The following TRPC7 variants were observed in gnomAD, a reference collection of about 807,000 sequenced individuals.
The protein encoded by TRPC7 is short transient receptor potential channel 7.
In TRPC7, 42 loss-of-function variants were observed where a neutral mutation model predicts 90.1. The observed-to-expected ratio is 0.47, with a 90% CI of 0.36 to 0.60. The LOEUF is 0.60. Ranked by LOEUF, TRPC7 falls within the 20% of genes least tolerant of loss-of-function variation. The probability of loss-of-function intolerance (pLI) is 0.00; values close to 1 mark genes in which losing one functional copy is unlikely to be tolerated. For synonymous variants in TRPC7, 451 were observed against 436.3 expected (o/e 1.03, Z -0.42); for missense variants, 955 against 1,112.3 (o/e 0.86, Z 2.01).
intron 2 of TRPC7, among the ~76,000 whole-genome samples, chr5:136,350,331 T>A (rs1760150314): frequency 6.6e-6 from 1 of 152,160 alleles, no homozygotes; most frequent in Admixed American, 6.5e-5. Context: ...TGAAGCATGG[T>A]GCAATGGGTG....
At chr5:136,226,520 G>T (rs1220243048) in intron 8 of TRPC7, 4 of 457,192 alleles carry the variant, frequency 8.7e-6, no homozygotes, top group Non-Finnish European at 1.5e-5. Flanking sequence ...CCTCCACTGG[G>T]TATATTTACC....
At chr5:136,269,143 C>G (rs978148618) in intron 4 of TRPC7, among the ~76,000 whole-genome samples, 3 of 152,150 alleles carry the variant, frequency 2.0e-5, no homozygotes, top group Non-Finnish European at 4.4e-5. Context: ...CCTGCTGTGC[C>G]TGGAGTGCAG....
intron 1 of TRPC7, among the ~76,000 whole-genome samples, chr5:136,363,221 A>C (rs996516801): frequency 5.3e-5 from 8 of 152,110 alleles, no homozygotes; most frequent in African/African-American, 9.7e-5. Flanking sequence ...ACTTCTTCAC[A>C]CTACTCCTGA....
intron 3 of TRPC7, among the ~76,000 whole-genome samples, chr5:136,305,355 A>G (rs1335674247): frequency 6.6e-6 from 1 of 152,156 alleles, no homozygotes; most frequent in African/African-American, 2.4e-5. Context: ...CTATAGTACA[A>G]GCCACTAGCC....
chr5:136,334,291 G>A (rs1269143480), intron 2 of TRPC7, among the ~76,000 whole-genome samples: 1 of 152,198 alleles, frequency 6.6e-6, no homozygotes, highest in African/African-American at 2.4e-5. Flanking sequence ...ATGTATAGAA[G>A]TGACTTTTTA....
At chr5:136,352,693 T>G (rs913211749) in intron 2 of TRPC7, among the ~76,000 whole-genome samples, 1 of 152,178 alleles carries the variant, frequency 6.6e-6, no homozygotes, top group African/African-American at 2.4e-5. Context: ...ACTGCATAGA[T>G]AAACCAATCA....
Position 136,357,344 on chromosome 5 carries a change from G to C in TRPC7, c.44C>G (p.Thr15Arg), listed in dbSNP as rs766890892. Residue 15 changes from threonine (T) to arginine (R), a missense_variant, in exon 2 of 12, where the codon ACA (threonine) becomes AGA (arginine). This residue lies in a region of TRPC7 where 161 missense variants were observed against 145.7 expected (regional missense o/e 1.10). Transcript: ENST00000513104. ...STFKNMQRRH[T>R]TLREKGRRQA... ...GCGACGGCCCTTCTCCCTCAGCGTT[G>C]TGTGCCGGCGCTGCATGTTTTTGAA... is the stretch of plus-strand genomic sequence containing the variant. 5.0e-6 allele frequency: 8 copies of C among 1,603,504 alleles called. No individual in the cohort carries two copies. The highest frequency in any genetic ancestry group is 5.9e-6 in the Non-Finnish European group (7 of 1,179,762).
intron 7 of TRPC7, among the ~76,000 whole-genome samples, chr5:136,236,515 T>G (rs1397173070): frequency 1.3e-5 from 2 of 152,138 alleles, no homozygotes; most frequent in Non-Finnish European, 2.9e-5. Context: ...CACCCCAGCA[T>G]AAGAAGCACT....
chr5:136,251,619 A>G (rs571905955), intron 6 of TRPC7, 30 bp downstream of exon 6: 18 of 1,544,972 alleles, frequency 1.2e-5, no homozygotes, highest in Non-Finnish European at 1.5e-5. Flanking sequence ...AAGCGCCAAA[A>G]TGGAGTAGGG....
chr5:136,229,049 G>A (rs114383032), intron 8 of TRPC7, among the ~76,000 whole-genome samples: 2,382 of 152,302 alleles, frequency 0.016, 50 homozygotes, highest in African/African-American at 0.047. Flanking sequence ...GGGGAGTGGT[G>A]CAGAGACCTG....
At position 136,247,843 on chromosome 5, in the gene TRPC7, T is replaced by A; in HGVS notation, c.1580-108A>T. On this transcript the variant is annotated intron_variant, in intron 6 of 11. Transcript: ENST00000513104. This position sits in a 1 kb window ranked among gnomAD's most constrained non-coding sequence, Gnocchi z 4.2. ...CCAACTGCATCATTTGCCATTCTTG[T>A]CCTTGTCCTTAAATTAATCCCAATA... The A allele has an allele frequency of 7.3e-7, 1 of 1,376,402 alleles. No homozygotes were observed. The highest frequency in any genetic ancestry group is 9.8e-7 in the Non-Finnish European group (1 of 1,016,910). The allele number at this position is 1,376,402 out of a possible 1,614,324, so 85.3% of individuals were successfully genotyped here. A position where few individuals can be genotyped will look rare whatever the true frequency, so the allele number is the denominator to read the frequency against.
At chr5:136,242,244 G>A (rs1580853611) in intron 7 of TRPC7, among the ~76,000 whole-genome samples, 1 of 152,174 alleles carries the variant, frequency 6.6e-6, no homozygotes, top group Non-Finnish European at 1.5e-5. Context: ...CATAAACCTT[G>A]TCTGAACATT....
chr5:136,344,063 T>A (rs1039718358), intron 2 of TRPC7, among the ~76,000 whole-genome samples: 97 of 152,074 alleles, frequency 6.4e-4, no homozygotes, highest in Non-Finnish European at 1.6e-4. Flanking sequence ...ATAAAGAAAA[T>A]GTACATAAAT....
intron 5 of TRPC7, among the ~76,000 whole-genome samples, chr5:136,265,504 C>T (rs766729909): frequency 1.4e-4 from 22 of 151,912 alleles, no homozygotes; most frequent in African/African-American, 2.4e-4. Context: ...TTTTCAGTGT[C>T]GGAAAAATCT....
chr5:136,365,455 C>G lies in TRPC7; in HGVS notation c.-201G>C. On this transcript the variant is annotated 5_prime_UTR_variant, in exon 1 of 12. Coordinates refer to ENST00000513104, the MANE Select transcript of TRPC7 (RefSeq NM_020389.3). ...TCTTTGTGTTGCAGTGGTAAAAACT[C>G]GCCTTCCGAGGCAGAACCGTGTTAC... is the stretch of plus-strand genomic sequence containing the variant. 1.7e-6 allele frequency: 1 copy of G among 599,690 alleles called. No homozygotes were observed. The highest frequency in any genetic ancestry group is 3.0e-6 in the Non-Finnish European group (1 of 338,738). 37.1% of individuals were successfully genotyped at this position (599,690 alleles called of 1,614,324 possible). A position where few individuals can be genotyped will look rare whatever the true frequency, so the allele number is the denominator to read the frequency against.
chr5:136,273,076 G>C (rs1757256345), intron 4 of TRPC7, among the ~76,000 whole-genome samples: 3 of 152,220 alleles, frequency 2.0e-5, no homozygotes, highest in Admixed American at 6.5e-5. Context: ...GTCACATTTA[G>C]CTTTGCAGCA....
intron 1 of TRPC7, among the ~76,000 whole-genome samples, chr5:136,360,992 A>G (rs906689454): frequency 7.2e-5 from 11 of 152,276 alleles, no homozygotes; most frequent in African/African-American, 1.4e-4. Flanking sequence ...TTAGCTATAC[A>G]TATCACACGG....
intron 7 of TRPC7, among the ~76,000 whole-genome samples, chr5:136,243,329 T>C (rs967554513): frequency 1.3e-5 from 2 of 150,410 alleles, no homozygotes; most frequent in African/African-American, 2.4e-5. Context: ...AGGAATGGGG[T>C]TGGGGGGAGG....
intron 1 of TRPC7, among the ~76,000 whole-genome samples, chr5:136,362,206 A>G (rs368434188): frequency 3.7e-4 from 56 of 152,296 alleles, no homozygotes; most frequent in African/African-American, 1.3e-3. Flanking sequence ...TTATCTTCTG[A>G]TAAGGTTAGC....
Sources: allele counts gnomAD v4.1 joint callset (sites outside exome capture counted in the v4.1 genomes callset), GRCh38; gene constraint gnomAD v4.1.1; regional missense constraint gnomAD v4.1.1; non-coding constraint Gnocchi (gnomAD v3.1); transcripts MANE v1.5; gene names NCBI Gene and HGNC (gene_info 2026-07-23, HGNC 2026-07-21).